The following SEMA6D variants were observed in gnomAD, a reference collection of about 807,000 sequenced individuals.
The protein encoded by SEMA6D is semaphorin-6D.
SEMA6D carries 35 observed loss-of-function variants against 106.6 expected under a neutral mutation model. That is an observed-to-expected ratio of 0.33 (90% confidence interval 0.25 to 0.44). SEMA6D has a LOEUF of 0.44. Ranked by LOEUF, SEMA6D falls within the 20% of genes least tolerant of loss-of-function variation. The pLI, the probability that SEMA6D is intolerant of heterozygous loss-of-function variation, is 1.00. For synonymous variants in SEMA6D, 499 were observed against 487.7 expected, an observed-to-expected ratio of 1.02 and a Z score of -0.31; for missense variants, 1,185 against 1,345.9, an observed-to-expected ratio of 0.88 and a Z score of 1.87.
intron 3 of SEMA6D, among the ~76,000 whole-genome samples, chr15:47,533,021 G>T (rs969926950): frequency 1.3e-5 from 2 of 152,014 alleles, no homozygotes; most frequent in East Asian, 1.9e-4. Context: ...ATCTTCCATG[G>T]CACATTCACA....
chr15:47,266,603 C>T (rs1489856519), intron 1 of SEMA6D, among the ~76,000 whole-genome samples: 1 of 152,114 alleles, frequency 6.6e-6, no homozygotes, highest in Admixed American at 6.6e-5. Flanking sequence ...TTCCATCCCA[C>T]AAATAGAGGC....
intron 2 of SEMA6D, among the ~76,000 whole-genome samples, chr15:47,426,105 G>A (rs912777555): frequency 1.3e-5 from 2 of 151,942 alleles, no homozygotes. Context: ...TTTTTGATAG[G>A]TTTCCAAATT....
chr15:47,671,324 A>AAAATAC (rs1440889672), intron 4 of SEMA6D, among the ~76,000 whole-genome samples: 2 of 152,232 alleles, frequency 1.3e-5, no homozygotes, highest in African/African-American at 4.8e-5. Context: ...GACATATTGT[A>AAAATAC]AAATACAAAG....
chr15:47,208,805 C>T (rs1895283880), intron 1 of SEMA6D, among the ~76,000 whole-genome samples: 1 of 152,158 alleles, frequency 6.6e-6, no homozygotes, highest in African/African-American at 2.4e-5. Context: ...TGGTCTTGGG[C>T]ATGTCCTATA....
intron 4 of SEMA6D, among the ~76,000 whole-genome samples, chr15:47,626,682 C>A (rs1295637211): frequency 6.6e-6 from 1 of 152,142 alleles, no homozygotes; most frequent in Non-Finnish European, 1.5e-5. Context: ...CCCTTCTACA[C>A]AACACCTTTG....
intron 1 of SEMA6D, among the ~76,000 whole-genome samples, chr15:47,348,442 A>G (rs1567016119): frequency 6.6e-6 from 1 of 152,080 alleles, no homozygotes; most frequent in African/African-American, 2.4e-5. Flanking sequence ...TATTTTTATT[A>G]CTGTTGCTAC....
chr15:47,523,952 G>A (rs950987372), intron 3 of SEMA6D, among the ~76,000 whole-genome samples: 5 of 152,270 alleles, frequency 3.3e-5, no homozygotes, highest in Non-Finnish European at 4.4e-5. Flanking sequence ...CAAACAAAGC[G>A]GTTTCATTTG....
intron 2 of SEMA6D, among the ~76,000 whole-genome samples, chr15:47,427,010 G>A (rs573065764): frequency 9.3e-4 from 141 of 152,276 alleles, no homozygotes; most frequent in African/African-American, 3.3e-3. Context: ...GAATGAATAA[G>A]TCAGGTACCA....
intron 4 of SEMA6D, among the ~76,000 whole-genome samples, chr15:47,676,739 C>A (rs1419519664): frequency 1.3e-5 from 2 of 152,166 alleles, no homozygotes; most frequent in Non-Finnish European, 2.9e-5. Flanking sequence ...AAACAAACCA[C>A]CCCAACACAT....
chr15:47,678,219 T>G (rs571669659), intron 4 of SEMA6D, among the ~76,000 whole-genome samples: 4 of 152,182 alleles, frequency 2.6e-5, no homozygotes, highest in Non-Finnish European at 5.9e-5. Flanking sequence ...ACAAATTATA[T>G]ACACCCACTG....
In SEMA6D at chr15:47,417,825, A is replaced by AT. The variant is rs915532392; in HGVS notation, c.-159+5364dup. On this transcript the variant is annotated intron_variant, in intron 2 of 19. Coordinates refer to the SEMA6D transcript ENST00000558014. ...TCTTTTCCTAATCACTCATGCATCCATTTTTTTTTTTGCAATTCATTCATT... is the reference window on the plus strand; with the variant it reads ...TCTTTTCCTAATCACTCATGCATCCATTTTTTTTTTTTGCAATTCATTCATT... Among the ~76,000 whole-genome samples, 231 of 144,768 alleles carry AT rather than the reference A, an allele frequency of 1.6e-3. 1 individual carries two copies. Among genetic ancestry groups the AT allele is most frequent in the East Asian group, 4.2e-3 (21 of 5,006 alleles). 95.0% of individuals were successfully genotyped at this position (144,768 alleles called of 152,430 possible).
At chr15:47,312,043 C>T (rs2143075609) in intron 1 of SEMA6D, among the ~76,000 whole-genome samples, 1 of 152,258 alleles carries the variant, frequency 6.6e-6, no homozygotes, top group Non-Finnish European at 1.5e-5. Flanking sequence ...TCTGGTGCCT[C>T]AGCTCTGACT....
At chr15:47,723,556 T>A (rs1301950309) in intron 1 of SEMA6D, among the ~76,000 whole-genome samples, 2 of 152,184 alleles carry the variant, frequency 1.3e-5, no homozygotes, top group African/African-American at 4.8e-5. Flanking sequence ...GTATGGAAAG[T>A]GTATTACTGA....
chr15:47,618,307 G>GT (rs1232922933), intron 4 of SEMA6D, among the ~76,000 whole-genome samples: 1 of 152,204 alleles, frequency 6.6e-6, no homozygotes, highest in Non-Finnish European at 1.5e-5. Flanking sequence ...ATCCGAGGAG[G>GT]TTTTTGCCTG....
intron 1 of SEMA6D, among the ~76,000 whole-genome samples, chr15:47,255,886 A>C (rs1358913604): frequency 6.6e-6 from 1 of 152,150 alleles, no homozygotes; most frequent in African/African-American, 2.4e-5. Context: ...GTTTTGATTG[A>C]GGTTCAAAAT....
chr15:47,323,330 A>G (rs2036998363), intron 1 of SEMA6D, among the ~76,000 whole-genome samples: 1 of 152,174 alleles, frequency 6.6e-6, no homozygotes, highest in South Asian at 2.1e-4. Context: ...GGTCTAGGGT[A>G]CGTGAACACC....
At chr15:47,580,903 G>C (rs1261525231) in intron 3 of SEMA6D, among the ~76,000 whole-genome samples, 2 of 152,182 alleles carry the variant, frequency 1.3e-5, no homozygotes, top group African/African-American at 4.8e-5. Context: ...ACACTGCAAG[G>C]TAGAAAACTG....
intron 3 of SEMA6D, among the ~76,000 whole-genome samples, chr15:47,537,203 C>G (rs779515151): frequency 1.3e-5 from 2 of 152,180 alleles, no homozygotes; most frequent in Non-Finnish European, 2.9e-5. Flanking sequence ...TCTTTTCACA[C>G]TACAAATAAT....
chr15:47,567,748 A>C (rs1443409462), intron 3 of SEMA6D, among the ~76,000 whole-genome samples: 4 of 152,174 alleles, frequency 2.6e-5, no homozygotes. Flanking sequence ...ACTGAAGTTT[A>C]CCAGGTATGG....
Sources: gnomAD v4.1 joint callset for allele counts (sites outside exome capture counted in the v4.1 genomes callset) on GRCh38, gnomAD v4.1.1 for gene constraint, MANE v1.5 for transcripts, NCBI Gene and HGNC (gene_info 2026-07-23, HGNC 2026-07-21) for gene names.